The following HDAC9 variants were observed in gnomAD, a reference collection of about 807,000 sequenced individuals.
The protein encoded by HDAC9 is MEF-2 interacting transcription repressor (MITR) protein.
In HDAC9, 41 loss-of-function variants were observed where a neutral mutation model predicts 139.4. The ratio of observed to expected loss-of-function variants is 0.29; its 90% confidence interval spans 0.23 to 0.38. The LOEUF (loss-of-function observed/expected upper bound fraction) is 0.38. HDAC9 is among the 10% of genes least tolerant of loss of function. HDAC9 has a pLI of 1.00. For synonymous variants in HDAC9, 517 were observed against 476.2 expected (o/e 1.09, Z -1.12); for missense variants, 1,147 against 1,297.0 (o/e 0.88, Z 1.78).
chr7:18,813,354 A>G (rs1010378135), intron 17 of HDAC9, among the ~76,000 whole-genome samples: 1 of 152,104 alleles, frequency 6.6e-6, no homozygotes, highest in Non-Finnish European at 1.5e-5. Flanking sequence ...TTCTTTGGTT[A>G]TCTATTGTTA....
chr7:18,435,774 T>C (rs1169312422), intron 1 of HDAC9, among the ~76,000 whole-genome samples: 1 of 151,682 alleles, frequency 6.6e-6, no homozygotes, highest in East Asian at 1.9e-4. Context: ...TGGAGAAAGA[T>C]TAAACTAGAA....
intron 25 of HDAC9, among the ~76,000 whole-genome samples, chr7:18,983,621 TGGGTTGTA>T (rs1785103182): frequency 6.6e-6 from 1 of 152,204 alleles, no homozygotes; most frequent in Non-Finnish European, 1.5e-5. Flanking sequence ...TTAGAATTGC[TGGGTTGTA>T]GGGAAGTCAT....
chr7:18,964,670 T>C (rs879363219), intron 24 of HDAC9, among the ~76,000 whole-genome samples: 1 of 152,178 alleles, frequency 6.6e-6, no homozygotes, highest in Non-Finnish European at 1.5e-5. Flanking sequence ...GTAATCATGA[T>C]GGAAGGGAAA....
intron 1 of HDAC9, among the ~76,000 whole-genome samples, chr7:18,408,780 TG>T (rs1788256106): frequency 6.6e-6 from 1 of 152,204 alleles, no homozygotes; most frequent in African/African-American, 2.4e-5. Flanking sequence ...GATCATGGTT[TG>T]GGTATTTACA....
chr7:18,183,217 G>A (rs540481601), intron 2 of HDAC9, among the ~76,000 whole-genome samples: 11 of 152,190 alleles, frequency 7.2e-5, no homozygotes, highest in South Asian at 2.1e-4. Context: ...CACCGTGTTA[G>A]CCAGGATGGT....
intron 22 of HDAC9, among the ~76,000 whole-genome samples, chr7:18,888,881 T>C (rs1800415166): frequency 6.6e-6 from 1 of 152,242 alleles, no homozygotes; most frequent in Non-Finnish European, 1.5e-5. Flanking sequence ...TAGTCATATA[T>C]AACAATAGAG....
chr7:18,543,886 G>GA (rs111903866), intron 2 of HDAC9, among the ~76,000 whole-genome samples: 1,700 of 118,816 alleles, frequency 0.014, 24 homozygotes, highest in African/African-American at 0.04. Context: ...TGTATTTTAG[G>GA]AAAAAAAAAA....
At chr7:18,199,646 G>A (rs1294742981) in intron 2 of HDAC9, among the ~76,000 whole-genome samples, 5 of 151,416 alleles carry the variant, frequency 3.3e-5, no homozygotes, top group Admixed American at 6.6e-5. Flanking sequence ...TTAGTTGGGC[G>A]TGGTGGCATG....
At chr7:18,977,872 G>C (rs546386927) in intron 25 of HDAC9, among the ~76,000 whole-genome samples, 1 of 150,154 alleles carries the variant, frequency 6.7e-6, no homozygotes, top group East Asian at 2.0e-4. Flanking sequence ...ACTGGCTCTT[G>C]CATTTCAATT....
chr7:18,236,410 C>G (rs1281597444), intron 2 of HDAC9, among the ~76,000 whole-genome samples: 1 of 152,118 alleles, frequency 6.6e-6, no homozygotes, highest in African/African-American at 2.4e-5. Context: ...TGTCTTATTC[C>G]AAGTTGACAG....
intron 9 of HDAC9, among the ~76,000 whole-genome samples, chr7:18,647,100 T>G (rs1388173461): frequency 6.6e-6 from 1 of 152,174 alleles, no homozygotes; most frequent in African/African-American, 2.4e-5. Context: ...TTCCTTTTGC[T>G]TGCAACTCCA....
At chr7:18,116,632 T>C (rs1784004810) in intron 1 of HDAC9, among the ~76,000 whole-genome samples, 1 of 152,140 alleles carries the variant, frequency 6.6e-6, no homozygotes, top group Non-Finnish European at 1.5e-5. Flanking sequence ...TCAAATAAAA[T>C]AATAAAAATT....
intron 13 of HDAC9, among the ~76,000 whole-genome samples, chr7:18,739,606 C>G (rs546804055): frequency 2.6e-5 from 4 of 152,178 alleles, no homozygotes; most frequent in Non-Finnish European, 4.4e-5. Context: ...TGCAGAACAG[C>G]AAATATTGCA....
chr7:18,949,425 A>G (rs963746231), intron 23 of HDAC9: 13 of 243,056 alleles, frequency 5.3e-5, no homozygotes, highest in South Asian at 6.3e-5. Flanking sequence ...AGTGCTGCCC[A>G]TTAATATGCA....
intron 1 of HDAC9, among the ~76,000 whole-genome samples, chr7:18,317,451 T>A (rs1469871318): frequency 2.0e-5 from 3 of 152,208 alleles, no homozygotes; most frequent in African/African-American, 7.2e-5. Context: ...TATGCTTGAC[T>A]TGTGTCTGAT....
intron 24 of HDAC9, among the ~76,000 whole-genome samples, chr7:18,969,656 C>G (rs944572422): frequency 1.1e-4 from 16 of 151,928 alleles, no homozygotes; most frequent in African/African-American, 3.9e-4. Flanking sequence ...AAGATAAAAA[C>G]CATGCAAATT....
At chr7:18,790,284 A>G (rs1181618833) in intron 16 of HDAC9, among the ~76,000 whole-genome samples, 1 of 152,106 alleles carries the variant, frequency 6.6e-6, no homozygotes, top group Non-Finnish European at 1.5e-5. Flanking sequence ...TCAAATCGCT[A>G]ATCTGATTAT....
At chr7:18,534,318 G>T (rs1700372413) in intron 2 of HDAC9, among the ~76,000 whole-genome samples, 1 of 152,206 alleles carries the variant, frequency 6.6e-6, no homozygotes, top group Admixed American at 6.5e-5. Flanking sequence ...ACTTTGGGAG[G>T]CTGAGGCAGG....
chr7:18,521,090 A>C (rs559039698), intron 2 of HDAC9, among the ~76,000 whole-genome samples: 8 of 152,172 alleles, frequency 5.3e-5, no homozygotes, highest in Non-Finnish European at 1.0e-4. Flanking sequence ...AGAATGCAGA[A>C]AACCTTTCTT....
Sources: allele counts gnomAD v4.1 joint callset (sites outside exome capture counted in the v4.1 genomes callset), GRCh38; gene constraint gnomAD v4.1.1; transcripts MANE v1.5; gene names NCBI Gene and HGNC (gene_info 2026-07-23, HGNC 2026-07-21).